The following RORB variants were observed in gnomAD, a reference collection of about 807,000 sequenced individuals.
The protein encoded by RORB is nuclear receptor ROR-beta.
A neutral mutation model predicts 59.1 loss-of-function variants in RORB; 6 were observed. The ratio of observed to expected loss-of-function variants is 0.10; its 90% CI spans 0.06 to 0.20. The LOEUF (loss-of-function observed/expected upper bound fraction) is 0.20, where lower values mean the gene tolerates loss of function less well. Ranked by LOEUF, RORB falls within the 10% of genes least tolerant of loss-of-function variation. The pLI is 1.00. For synonymous variants in RORB, 215 were observed against 204.5 expected (o/e 1.05, Z -0.44); for missense variants, 320 against 560.5 (o/e 0.57, Z 4.33).
At chr9:74,515,921 G>T (rs1324500174) in intron 1 of RORB, among the ~76,000 whole-genome samples, 1 of 152,006 alleles carries the variant, frequency 6.6e-6, no homozygotes, top group Admixed American at 6.6e-5. Flanking sequence ...AAGGACAGAG[G>T]AAACAAAATC....
At chr9:74,573,107 A>T (rs1197175662) in intron 1 of RORB, among the ~76,000 whole-genome samples, 1 of 152,190 alleles carries the variant, frequency 6.6e-6, no homozygotes, top group Non-Finnish European at 1.5e-5. Context: ...CACATACTTC[A>T]ATTACTGAAG....
intron 1 of RORB, among the ~76,000 whole-genome samples, chr9:74,599,444 AT>A (rs768543144): frequency 5.0e-4 from 76 of 152,226 alleles, no homozygotes; most frequent in Non-Finnish European, 9.4e-4. Context: ...AAGCCCACAG[AT>A]TTTCTGACAT....
intron 9 of RORB, among the ~76,000 whole-genome samples, chr9:74,684,807 G>A (rs1484768920): frequency 6.6e-6 from 1 of 152,090 alleles, no homozygotes; most frequent in African/African-American, 2.4e-5. Flanking sequence ...TCTACAAGTG[G>A]GTTAGTGAGC....
At chr9:74,508,411 A>G (rs376620689) in intron 1 of RORB, among the ~76,000 whole-genome samples, 2 of 152,152 alleles carry the variant, frequency 1.3e-5, no homozygotes, top group East Asian at 3.9e-4. Context: ...ACTGATTTGG[A>G]ATTTTTTCCA....
intron 9 of RORB, among the ~76,000 whole-genome samples, chr9:74,681,455 T>C (rs1442272119): frequency 2.0e-5 from 3 of 152,188 alleles, no homozygotes; most frequent in Non-Finnish European, 4.4e-5. Flanking sequence ...GTCAGCCTAT[T>C]CCAAGAGCAT....
chr9:74,584,784 C>T (rs1261716860), intron 1 of RORB, among the ~76,000 whole-genome samples: 1 of 152,136 alleles, frequency 6.6e-6, no homozygotes, highest in African/African-American at 2.4e-5. Flanking sequence ...CCCTCAGACT[C>T]ATGGAGCTAT....
intron 1 of RORB, among the ~76,000 whole-genome samples, chr9:74,532,860 A>G (rs7468375): frequency 6.4e-5 from 2 of 31,406 alleles, no homozygotes; most frequent in African/African-American, 1.1e-4. Context: ...ACACATATAT[A>G]TGTGTGTGTG....
chr9:74,650,845 C>T (rs542924649), intron 4 of RORB, among the ~76,000 whole-genome samples: 257 of 152,192 alleles, frequency 1.7e-3, no homozygotes, highest in African/African-American at 5.9e-3. Context: ...ATAAAAATGA[C>T]CTTCAAAGAT....
At chr9:74,545,098 G>GAT (rs1826466852) in intron 1 of RORB, among the ~76,000 whole-genome samples, 1 of 135,500 alleles carries the variant, frequency 7.4e-6, no homozygotes, top group Non-Finnish European at 1.7e-5. Flanking sequence ...ACTGCGAGCA[G>GAT]GTTTTTTTTT....
chr9:74,602,222 G>A (rs1443759967), intron 1 of RORB, among the ~76,000 whole-genome samples: 1 of 152,140 alleles, frequency 6.6e-6, no homozygotes, highest in East Asian at 1.9e-4. Flanking sequence ...GGGACTTTGT[G>A]CTTTTTTCCT....
intron 1 of RORB, among the ~76,000 whole-genome samples, chr9:74,587,731 A>T (rs564146279): frequency 1.3e-5 from 2 of 152,310 alleles, no homozygotes; most frequent in South Asian, 4.2e-4. Context: ...ATGTGATCTT[A>T]GCATTCCAAA....
chr9:74,601,195 A>T (rs781100177), intron 1 of RORB, among the ~76,000 whole-genome samples: 1 of 152,006 alleles, frequency 6.6e-6, no homozygotes, highest in Non-Finnish European at 1.5e-5. Flanking sequence ...TGTGCAATTT[A>T]TAGTAGGAAA....
intron 1 of RORB, among the ~76,000 whole-genome samples, chr9:74,605,937 T>C (rs933026403): frequency 1.3e-5 from 2 of 152,124 alleles, no homozygotes; most frequent in Admixed American, 1.3e-4. Flanking sequence ...TCGAGGTGGG[T>C]CAGGGAATTT....
At chr9:74,498,849 G>T in intron 1 of RORB, 1 of 162,150 alleles carries the variant, frequency 6.2e-6, no homozygotes, top group Non-Finnish European at 1.3e-5. Context: ...GGGACCCCGG[G>T]GCGAGCTGGG....
intron 1 of RORB, among the ~76,000 whole-genome samples, chr9:74,549,923 T>C (rs1664471050): frequency 6.6e-6 from 1 of 151,920 alleles, no homozygotes; most frequent in African/African-American, 2.4e-5. Flanking sequence ...AGAGACGGGG[T>C]TTCACCATGT....
At chr9:74,576,828 T>C (rs780689224) in intron 1 of RORB, among the ~76,000 whole-genome samples, 2 of 152,114 alleles carry the variant, frequency 1.3e-5, no homozygotes, top group Non-Finnish European at 2.9e-5. Context: ...CTACATGCCA[T>C]GTACCAGCAA....
chr9:74,572,255 G>A (rs1160168753), intron 1 of RORB, among the ~76,000 whole-genome samples: 1 of 152,124 alleles, frequency 6.6e-6, no homozygotes, highest in Non-Finnish European at 1.5e-5. Context: ...GGTTTTAAAG[G>A]AAGATGGTTA....
chr9:74,590,189 G>C, intron 1 of RORB, among the ~76,000 whole-genome samples: 1 of 152,142 alleles, frequency 6.6e-6, no homozygotes, highest in Middle Eastern at 3.2e-3. Context: ...AGTGCTGGGA[G>C]TACTAAGACC....
chr9:74,635,805 A>G (rs536631381), intron 3 of RORB, among the ~76,000 whole-genome samples: 66 of 152,330 alleles, frequency 4.3e-4, no homozygotes, highest in African/African-American at 1.5e-3. Context: ...ACACAAAACA[A>G]GAAACTTCCA....
Sources: gnomAD v4.1 joint callset for allele counts (sites outside exome capture counted in the v4.1 genomes callset) on GRCh38, gnomAD v4.1.1 for gene constraint, MANE v1.5 for transcripts, NCBI Gene and HGNC (gene_info 2026-07-23, HGNC 2026-07-21) for gene names.